SREBF2: variants seen among roughly 807,000 people sequenced by gnomAD.
SREBF2 encodes sterol regulatory element binding transcription factor 2.
Under a neutral mutation model 113.1 loss-of-function variants are expected in SREBF2, and 55 were observed. The ratio of observed to expected loss-of-function variants is 0.49; its 90% confidence interval spans 0.39 to 0.61. The LOEUF (loss-of-function observed/expected upper bound fraction) is 0.61. SREBF2 is among the 20% of genes least tolerant of loss of function. SREBF2 has a pLI of 0.00. For synonymous variants in SREBF2, 593 were observed against 605.7 expected (o/e 0.98, Z 0.31); for missense variants, 1,349 against 1,487.4 (o/e 0.91, Z 1.53).
chr22:41,870,630 A>G (rs1381817151), intron 3 of SREBF2, among the ~76,000 whole-genome samples: 3 of 49,008 alleles, frequency 6.1e-5, no homozygotes, highest in Non-Finnish European at 1.2e-4. Flanking sequence ...TGTCTCAGCA[A>G]AAAAAAAAAA....
intron 10 of SREBF2, among the ~76,000 whole-genome samples, chr22:41,884,595 A>G (rs2077281900): frequency 6.6e-6 from 1 of 152,182 alleles, no homozygotes; most frequent in Non-Finnish European, 1.5e-5. Context: ...ACAACCTGCA[A>G]TTGTGACAGC....
rs771861764 is a variant in SREBF2 at position 41,875,421 on chromosome 22, A to G, written c.1174A>G (p.Met392Val). Residue 392 changes from methionine (M) to valine (V), a missense_variant, in exon 6 of 19, where the codon ATG becomes GTG. Around this residue, in one of 2 missense-constraint regions of SREBF2, gnomAD observed 699 missense variants for 843.3 expected, o/e 0.83. Coordinates refer to ENST00000361204, the MANE Select transcript of SREBF2 (RefSeq NM_004599.4). ...QVNHKLRQEN[M>V]VLKLANQKNK... ...CAATCATAAACTGCGCCAGGAGAAC[A>G]TGGTGCTGAAGCTGGCAAATCAAAA... 6 of 1,614,136 alleles carry G rather than the reference A, an allele frequency of 3.7e-6. No homozygotes were observed. Among genetic ancestry groups the G allele is most frequent in the Non-Finnish European group, 4.2e-6 (5 of 1,180,060 alleles).
At chr22:41,885,362 A>G (rs1212132890) in intron 11 of SREBF2, among the ~76,000 whole-genome samples, 1 of 152,204 alleles carries the variant, frequency 6.6e-6, no homozygotes, top group Non-Finnish European at 1.5e-5. Flanking sequence ...AAATTCTTAG[A>G]ATCCCCTGGT....
intron 1 of SREBF2, among the ~76,000 whole-genome samples, chr22:41,847,876 G>A (rs777986648): frequency 6.6e-6 from 1 of 151,092 alleles, no homozygotes; most frequent in African/African-American, 2.4e-5. Flanking sequence ...CTTGATTGTT[G>A]TTCTCAAAGT....
chr22:41,905,706 T>TC lies in SREBF2; in HGVS notation c.*47dup, dbSNP rs757637763. 6 of 1,526,216 alleles carry TC rather than the reference T, an allele frequency of 3.9e-6. No homozygotes were observed. Among genetic ancestry groups the TC allele is most frequent in the Admixed American group, 2.0e-5 (1 of 51,024 alleles). 94.5% of individuals were successfully genotyped at this position (1,526,216 alleles called of 1,614,324 possible). The stretch of plus-strand genomic sequence containing the variant: ...CTCCACCTCTCTCTCGATTTCTCTC[T>TC]CTCCCCCTCAGCATCTTCCCGCTGA... On this transcript the variant is annotated 3_prime_UTR_variant, in exon 19 of 19. Transcript: ENST00000361204.
At chr22:41,857,623 CAGT>C (rs2076989668) in intron 1 of SREBF2, among the ~76,000 whole-genome samples, 1 of 152,112 alleles carries the variant, frequency 6.6e-6, no homozygotes, top group Non-Finnish European at 1.5e-5. Flanking sequence ...GTTTCTTTGC[CAGT>C]AAAAGAGTTC....
chr22:41,872,206 C>T (rs957101872), intron 4 of SREBF2, among the ~76,000 whole-genome samples: 6 of 150,002 alleles, frequency 4.0e-5, no homozygotes, highest in Non-Finnish European at 7.4e-5. Context: ...GCCAAGATTG[C>T]GCCACTGCAC....
chr22:41,846,111 T>C (rs2076874692), intron 1 of SREBF2, among the ~76,000 whole-genome samples: 1 of 152,224 alleles, frequency 6.6e-6, no homozygotes, highest in Non-Finnish European at 1.5e-5. Flanking sequence ...CTGTTCGTTA[T>C]CTTCCACAAA....
intron 17 of SREBF2, chr22:41,904,572 T>C: frequency 1.7e-6 from 1 of 603,240 alleles, no homozygotes; most frequent in Non-Finnish European, 3.2e-6. Context: ...CCAGGGCACT[T>C]GTCTACCAGC....
chr22:41,864,255 T>TACAC (rs1476279050), intron 1 of SREBF2, among the ~76,000 whole-genome samples: 13 of 75,706 alleles, frequency 1.7e-4, no homozygotes, highest in East Asian at 6.2e-4. Flanking sequence ...TATATATATA[T>TACAC]ATATATACAC....
At chr22:41,847,243 A>C (rs1341105360) in intron 1 of SREBF2, among the ~76,000 whole-genome samples, 1 of 152,194 alleles carries the variant, frequency 6.6e-6, no homozygotes, top group Non-Finnish European at 1.5e-5. Flanking sequence ...AGGACAGTTC[A>C]GGTGAAGTGG....
Position 41,906,734 on chromosome 22 carries a change from TAAAC to T in SREBF2, c.*1075_*1078del. On this transcript the variant is annotated 3_prime_UTR_variant, in exon 19 of 19. Transcript: ENST00000361204. ...AATTAATTCTTGAGCTGAAAATAAATAAACCAGGATGGCAGGGACCAACCCCTAA... is the reference window on the plus strand; with the variant it reads ...AATTAATTCTTGAGCTGAAAATAAATCAGGATGGCAGGGACCAACCCCTAA... 1 of 152,198 alleles carries T rather than the reference TAAAC, an allele frequency of 6.6e-6. No homozygotes were observed. The highest frequency in any genetic ancestry group is 2.4e-5 in the African/African-American group (1 of 41,478). 9.4% of individuals were successfully genotyped at this position (152,198 alleles called of 1,614,324 possible).
At chr22:41,905,391 C>T in intron 18 of SREBF2, 49 bp from the exon 19 acceptor site, 1 of 1,521,796 alleles carries the variant, frequency 6.6e-7, no homozygotes, top group Non-Finnish European at 8.8e-7. Context: ...AGGAACTGCA[C>T]CAACTTCATG....
intron 9 of SREBF2, 147 bp downstream of exon 9, chr22:41,878,270 G>T (rs2077215729): frequency 5.9e-6 from 6 of 1,019,382 alleles, no homozygotes; most frequent in Non-Finnish European, 8.9e-6. Context: ...AGTGGAGTGG[G>T]CGCCTCTGCA....
intron 7 of SREBF2, among the ~76,000 whole-genome samples, chr22:41,876,843 T>G (rs895911297): frequency 6.6e-5 from 10 of 152,212 alleles, no homozygotes; most frequent in Admixed American, 3.9e-4. Flanking sequence ...GCAGGTAGTT[T>G]CCCACACCCC....
At chr22:41,871,239 G>C (rs2077138046) in intron 4 of SREBF2, among the ~76,000 whole-genome samples, 1 of 152,214 alleles carries the variant, frequency 6.6e-6, no homozygotes, top group Non-Finnish European at 1.5e-5. Flanking sequence ...GAGTACTGGA[G>C]TCTACAAGGA....
At chr22:41,855,762 T>G (rs556377840) in intron 1 of SREBF2, among the ~76,000 whole-genome samples, 1 of 152,060 alleles carries the variant, frequency 6.6e-6, no homozygotes, top group South Asian at 2.1e-4. Flanking sequence ...TAACTTTTTT[T>G]TTTTTTTTTT....
intron 1 of SREBF2, among the ~76,000 whole-genome samples, chr22:41,844,033 TACACACACAC>T (rs71311415): frequency 1.1e-4 from 14 of 123,142 alleles, no homozygotes; most frequent in South Asian, 5.0e-4. Flanking sequence ...AAAAAATACA[TACACACACAC>T]ACACACACAC....
rs777182164 is a variant in SREBF2, at chr22:41,875,340, C to T, written c.1093C>T (p.His365Tyr). 1 of 1,613,744 alleles carries T rather than the reference C, an allele frequency of 6.2e-7. No individual in the cohort carries two copies. The highest frequency in any genetic ancestry group is 8.5e-7 in the Non-Finnish European group (1 of 1,179,658). The change falls in exon 6 of 19, where the codon CAC (histidine) becomes TAC (tyrosine). Residue 365 changes from histidine to tyrosine, a missense_variant. His to Tyr is a moderately conservative substitution (Grantham distance 83, BLOSUM62 2). Coordinates refer to ENST00000361204, the MANE Select transcript of SREBF2 (RefSeq NM_004599.4). ...TTTCACTCATCTTCCTACCCAGATG[C>T]ACAAGTCTGGCGTTCTGAGGAAGGC... is the stretch of plus-strand genomic sequence containing the variant. ...DLVMGTDAKMHKSGVLRKAID... is the reference protein window; with the variant it reads ...DLVMGTDAKMYKSGVLRKAID...
Sources: allele counts gnomAD v4.1 joint callset (sites outside exome capture counted in the v4.1 genomes callset), GRCh38; gene constraint gnomAD v4.1.1; regional missense constraint gnomAD v4.1.1; transcripts MANE v1.5; gene names NCBI Gene and HGNC (gene_info 2026-07-23, HGNC 2026-07-21).